Variants in KCNC4 observed in about 807,000 individuals in gnomAD.
KCNC4 encodes voltage-gated potassium channel KCNC4.
A neutral mutation model predicts 42.8 loss-of-function variants in KCNC4; 23 were observed. That is an observed-to-expected ratio of 0.54 (90% CI 0.39 to 0.76). The LOEUF is 0.76. Among genes scored for constraint, KCNC4 ranks in the 30% least tolerant of loss-of-function variants. KCNC4 has a pLI of 0.00. For synonymous variants in KCNC4, 422 were observed against 393.5 expected (o/e 1.07, Z -0.86); for missense variants, 751 against 898.2 (o/e 0.84, Z 2.10).
chr1:110,266,885 C>T (rs1659548521), intron 1 of KCNC4, among the ~76,000 whole-genome samples: 1 of 151,600 alleles, frequency 6.6e-6, no homozygotes, highest in Non-Finnish European at 1.5e-5. Context: ...TTTGCCCCTT[C>T]TGATGTCTCC....
At chr1:110,259,060 CT>C (rs1659382981) in intron 1 of KCNC4, among the ~76,000 whole-genome samples, 1 of 151,878 alleles carries the variant, frequency 6.6e-6, no homozygotes, top group African/African-American at 2.4e-5. Context: ...TCACAGATGG[CT>C]CTGTTTATTT....
At chr1:110,279,745 A>G (rs2101093918) in intron 1 of KCNC4, among the ~76,000 whole-genome samples, 1 of 148,228 alleles carries the variant, frequency 6.7e-6, no homozygotes, top group East Asian at 2.0e-4. Context: ...TCTCCATGTT[A>G]ATTTTTTTTT....
chr1:110,233,185 C>T lies in KCNC4; in HGVS notation c.*213C>T, dbSNP rs1658789614. 4.9e-6 allele frequency: 3 copies of T among 612,700 alleles called. No homozygotes were observed. Among genetic ancestry groups the T allele is most frequent in the Admixed American group, 2.9e-5 (1 of 34,514 alleles). 38.0% of individuals were successfully genotyped at this position (612,700 alleles called of 1,614,324 possible). A position where few individuals can be genotyped will look rare whatever the true frequency, so the allele number is the denominator to read the frequency against. On this transcript the variant is annotated 3_prime_UTR_variant, in exon 4 of 4. Transcript: ENST00000438661. ...TGTACATCGAAGAGATATATATGCA[C>T]ATATAGTATCTATATTCATACATAT... is the stretch of plus-strand genomic sequence containing the variant.
At chr1:110,212,609 G>A (rs1657548962) in intron 1 of KCNC4, among the ~76,000 whole-genome samples, 1 of 152,136 alleles carries the variant, frequency 6.6e-6, no homozygotes, top group African/African-American at 2.4e-5. Context: ...AACTAGGGTG[G>A]GTTTTGTTAG....
Position 110,232,927 on chromosome 1 carries a change from CCT to C in KCNC4, c.1840_1841del (p.Ser614ValfsTer7). The C allele has an allele frequency of 6.2e-7, 1 of 1,612,096 alleles. No individual in the cohort carries two copies. Among genetic ancestry groups the C allele is most frequent in the Non-Finnish European group, 8.5e-7 (1 of 1,179,198 alleles). ...TAAACACAGAGACCTGCCAAGACGC[CCT>C]CTCGTCCAACTATGCCCAGGCTGAA... ...SVRKETCQDALSSNYAQAEVL... is the reference protein window; with the variant it reads ...SVRKETCQDAXSSNYAQAEVL... On this transcript the variant is annotated frameshift_variant, in exon 4 of 4. Coordinates refer to ENST00000438661, the MANE Select transcript of KCNC4 (RefSeq NM_001039574.3). LOFTEE classifies it high-confidence loss of function.
intron 2 of KCNC4, 181 bp downstream of exon 2, chr1:110,224,081 C>T (rs760035546): frequency 3.4e-6 from 2 of 595,604 alleles, no homozygotes; most frequent in East Asian, 2.8e-5. Flanking sequence ...GCTGGGTCTC[C>T]GATAGCTTCC....
intron 1 of KCNC4, among the ~76,000 whole-genome samples, chr1:110,274,375 A>G (rs1256792233): frequency 1.3e-5 from 2 of 152,258 alleles, no homozygotes; most frequent in Non-Finnish European, 2.9e-5. Flanking sequence ...ATATAAACAA[A>G]TAGAAAAATA....
intron 1 of KCNC4, among the ~76,000 whole-genome samples, chr1:110,278,203 A>T (rs1169097283): frequency 1.3e-5 from 2 of 152,098 alleles, no homozygotes; most frequent in Admixed American, 6.5e-5. Flanking sequence ...AAGGAGGAAA[A>T]AAAAAAGAGA....
At chr1:110,244,167 A>T (rs1485869248) in exon 4 of KCNC4, 2 of 152,122 alleles carry the variant, frequency 1.3e-5, no homozygotes, top group African/African-American at 2.4e-5. Context: ...GAGGTTTAGG[A>T]ATCTAAGCTG....
At chr1:110,248,183 C>T (rs1190858365) in exon 4 of KCNC4, 4 of 152,220 alleles carry the variant, frequency 2.6e-5, no homozygotes, top group Admixed American at 2.6e-4. Context: ...GGCTATTGAA[C>T]ACTTGAAATG....
At chr1:110,220,048 G>A (rs911329506) in intron 1 of KCNC4, 3 of 152,268 alleles carry the variant, frequency 2.0e-5, no homozygotes, top group African/African-American at 4.8e-5. Flanking sequence ...AACAAAGGAG[G>A]AGGGGATTAT....
Position 110,211,399 on chromosome 1 carries a change from T to C in KCNC4, c.-101T>C. On this transcript the variant is annotated 5_prime_UTR_variant, in exon 1 of 4. Coordinates refer to ENST00000438661, the MANE Select transcript of KCNC4 (RefSeq NM_001039574.3). This position sits in a 1 kb window ranked among gnomAD's most constrained non-coding sequence, Gnocchi z 6.5. ...GAGGGGGCCGCCACCGCCTCCTGCC[T>C]CCTCTTCGTCTCCTCCCCCTCCCCC... 6.8e-7 allele frequency: 1 copy of C among 1,467,412 alleles called. No individual in the cohort carries two copies. The highest frequency in any genetic ancestry group is 9.1e-7 in the Non-Finnish European group (1 of 1,100,718). The allele number at this position is 1,467,412 out of a possible 1,614,324, so 90.9% of individuals were successfully genotyped here.
At chr1:110,254,560 C>T (rs937261416) in intron 1 of KCNC4, among the ~76,000 whole-genome samples, 3 of 152,196 alleles carry the variant, frequency 2.0e-5, no homozygotes, top group Non-Finnish European at 4.4e-5. Flanking sequence ...TGAGAGCAGC[C>T]CTGGCATAGG....
intron 1 of KCNC4, among the ~76,000 whole-genome samples, chr1:110,258,427 G>A (rs1197335683): frequency 1.3e-5 from 2 of 152,034 alleles, no homozygotes; most frequent in Non-Finnish European, 1.5e-5. Flanking sequence ...TAGTAGAGAC[G>A]AGGTTTCACC....
intron 1 of KCNC4, among the ~76,000 whole-genome samples, chr1:110,254,580 C>G (rs1054192379): frequency 2.0e-5 from 3 of 152,198 alleles, no homozygotes; most frequent in Non-Finnish European, 2.9e-5. Context: ...GCTGCTTGCT[C>G]TAAACTCTGT....
downstream of KCNC4, chr1:110,235,051 A>G (rs1042818473): frequency 3.9e-5 from 6 of 152,276 alleles, no homozygotes; most frequent in African/African-American, 1.5e-4. Context: ...TGTTCCTGTC[A>G]CTCTCAGACT....
chr1:110,261,209 T>C (rs1040389303), intron 1 of KCNC4, among the ~76,000 whole-genome samples: 3 of 152,238 alleles, frequency 2.0e-5, no homozygotes, highest in Non-Finnish European at 2.9e-5. Context: ...AATCCTTTAG[T>C]GTTCTTAGTA....
intron 3 of KCNC4, 175 bp from the exon 4 acceptor site, chr1:110,232,736 T>C: frequency 6.6e-7 from 1 of 1,526,070 alleles, no homozygotes; most frequent in Non-Finnish European, 8.8e-7. Context: ...CCAGCTCTGC[T>C]CCTGGTCTAC....
downstream of KCNC4, chr1:110,283,246 T>G (rs919825283): frequency 6.6e-6 from 1 of 152,234 alleles, no homozygotes; most frequent in African/African-American, 2.4e-5. Flanking sequence ...TCCCCACCTG[T>G]CACCGGGCCC....
Sources: gnomAD v4.1 joint callset for allele counts (sites outside exome capture counted in the v4.1 genomes callset) on GRCh38, gnomAD v4.1.1 for gene constraint, Gnocchi (gnomAD v3.1) non-coding constraint, MANE v1.5 for transcripts, NCBI Gene and HGNC (gene_info 2026-07-23, HGNC 2026-07-21) for gene names.